The following KIF3A variants were observed in gnomAD, a reference collection of about 807,000 sequenced individuals.
The protein encoded by KIF3A is kinesin-like protein KIF3A.
KIF3A carries 27 observed loss-of-function variants against 92.6 expected under a neutral mutation model. The ratio of observed to expected loss-of-function variants is 0.29; its 90% CI spans 0.21 to 0.40. The LOEUF (loss-of-function observed/expected upper bound fraction) is 0.40, where lower values mean the gene tolerates loss of function less well. KIF3A is among the 10% of genes least tolerant of loss of function. The pLI, the probability that KIF3A is intolerant of heterozygous loss-of-function variation, is 1.00. For missense variants in KIF3A, 581 were observed against 872.6 expected (o/e 0.67, Z 4.21); for synonymous variants, 250 against 275.4 (o/e 0.91, Z 0.92).
intron 4 of KIF3A, among the ~76,000 whole-genome samples, chr5:132,725,816 T>C (rs1330741448): frequency 6.6e-6 from 1 of 152,180 alleles, no homozygotes; most frequent in African/African-American, 2.4e-5. Context: ...CATACATTAT[T>C]CTCCTCTATT....
intron 8 of KIF3A, 99 bp from the exon 9 acceptor site, chr5:132,711,156 T>C (rs911999111): frequency 9.6e-7 from 1 of 1,041,962 alleles, no homozygotes. Flanking sequence ...TTTTTGTTAC[T>C]GCAAACAACA....
At chr5:132,696,778 T>C (rs76604954) in intron 18 of KIF3A, 96 bp from the exon 19 acceptor site, 3 of 954,370 alleles carry the variant, frequency 3.1e-6, no homozygotes, top group East Asian at 2.4e-5. Flanking sequence ...GTGGCCTGTA[T>C]AGTCTGGAAA....
chr5:132,724,806 A>AAAT (rs59476182), intron 4 of KIF3A, among the ~76,000 whole-genome samples: 2 of 22,692 alleles, frequency 8.8e-5, no homozygotes, highest in South Asian at 1.5e-3. Flanking sequence ...AAAAAAAAAA[A>AAAT]ATATATATAT....
In KIF3A at chr5:132,694,592, T is replaced by C. The variant is rs17690923; in HGVS notation, c.*2042A>G. The C allele has an allele frequency of 0.21, 31,564 of 152,312 alleles. 4,191 individuals carry two copies. The highest frequency in any genetic ancestry group is 0.3 in the Non-Finnish European group (20,065 of 67,990). The allele number at this position is 152,312 out of a possible 1,614,324, so 9.4% of individuals were successfully genotyped here. A position where few individuals can be genotyped will look rare whatever the true frequency, so the allele number is the denominator to read the frequency against. The stretch of plus-strand genomic sequence containing the variant: ...TACTCCTTTCCTATTAACTGAATTG[T>C]TAAAGGTTAGAAACATGAACTTTTA... On this transcript the variant is annotated 3_prime_UTR_variant, in exon 19 of 19. Transcript: ENST00000403231.
chr5:132,697,142 G>C (rs879383117), intron 18 of KIF3A, among the ~76,000 whole-genome samples: 2 of 152,150 alleles, frequency 1.3e-5, no homozygotes, highest in Admixed American at 6.5e-5. Flanking sequence ...TTGCAATTTT[G>C]CCTAGCCCAT....
At chr5:132,728,832 G>A (rs1754128858) in intron 2 of KIF3A, among the ~76,000 whole-genome samples, 1 of 152,062 alleles carries the variant, frequency 6.6e-6, no homozygotes, top group Admixed American at 6.6e-5. Flanking sequence ...AGCACTTTGA[G>A]AGGCTGAGGT....
At chr5:132,702,023 T>C in intron 15 of KIF3A, 64 bp downstream of exon 15, 4 of 1,498,874 alleles carry the variant, frequency 2.7e-6, no homozygotes, top group Non-Finnish European at 3.6e-6. Context: ...ATCAGTTAAA[T>C]TAGAAATCTT....
intron 10 of KIF3A, among the ~76,000 whole-genome samples, chr5:132,708,252 G>A (rs2237057): frequency 0.59 from 87,639 of 148,142 alleles, 28,030 homozygotes; most frequent in Non-Finnish European, 0.74. Flanking sequence ...ACTGCACTCC[G>A]GCCTAGGCAA....
At chr5:132,700,481 T>G (rs1440806844) in intron 16 of KIF3A, 166 bp downstream of exon 16, 6 of 654,060 alleles carry the variant, frequency 9.2e-6, no homozygotes, top group Non-Finnish European at 1.6e-5. Flanking sequence ...ATGATCTGTA[T>G]GTTACAATTA....
intron 4 of KIF3A, among the ~76,000 whole-genome samples, chr5:132,724,004 C>A (rs1753915990): frequency 6.6e-6 from 1 of 152,196 alleles, no homozygotes; most frequent in South Asian, 2.1e-4. Flanking sequence ...TGAACAGACA[C>A]TTCTCAAAAG....
intron 2 of KIF3A, among the ~76,000 whole-genome samples, chr5:132,733,611 A>C (rs1056347685): frequency 6.6e-6 from 1 of 152,172 alleles, no homozygotes; most frequent in Non-Finnish European, 1.5e-5. Context: ...TTACAAAAAC[A>C]AAAAAATGAG....
At chr5:132,689,379 A>T (rs1480835951), downstream of KIF3A, among the ~76,000 whole-genome samples, 2 of 152,230 alleles carry the variant, frequency 1.3e-5, no homozygotes, top group East Asian at 3.8e-4. Flanking sequence ...ATTGGAAAAG[A>T]TTAAGACAGA....
At chr5:132,698,729 ATT>A (rs200925076) in intron 18 of KIF3A, among the ~76,000 whole-genome samples, 31,795 of 131,936 alleles carry the variant, frequency 0.24, 4,377 homozygotes, top group East Asian at 0.73. Context: ...AAGGAATTTG[ATT>A]TTTTTTTTTT....
chr5:132,719,199 T>C (rs1351223101), intron 5 of KIF3A, among the ~76,000 whole-genome samples: 1 of 152,228 alleles, frequency 6.6e-6, no homozygotes, highest in African/African-American at 2.4e-5. Flanking sequence ...ATCCTTCATC[T>C]AATCTGATGG....
chr5:132,702,675 CA>C lies in KIF3A; in HGVS notation c.1648-8del. ...CAATATCCAAGCGTTCTTGCTATGA[CA>C]AAAATTAGTAAACTTCAGAATAAAT... On this transcript the variant is annotated splice_polypyrimidine_tract_variant and splice_region_variant and intron_variant, in intron 13 of 18. Coordinates refer to ENST00000403231, the MANE Select transcript of KIF3A (RefSeq NM_001300791.2). 2 of 1,557,896 alleles carry C rather than the reference CA, an allele frequency of 1.3e-6. No individual in the cohort carries two copies. The highest frequency in any genetic ancestry group is 1.4e-5 in the African/African-American group (1 of 73,162).
intron 5 of KIF3A, among the ~76,000 whole-genome samples, chr5:132,717,331 G>C (rs1204652388): frequency 1.3e-5 from 2 of 152,042 alleles, no homozygotes; most frequent in East Asian, 3.8e-4. Flanking sequence ...ATGCATGCTG[G>C]TGTACTGCAG....
intron 18 of KIF3A, 145 bp downstream of exon 18, chr5:132,699,026 C>T (rs1752934336): frequency 1.1e-5 from 9 of 836,738 alleles, no homozygotes; most frequent in Non-Finnish European, 1.7e-5. Flanking sequence ...GCGTGAGCCA[C>T]TGTGCCCAGC....
At chr5:132,708,001 C>T (rs1430776250) in intron 10 of KIF3A, among the ~76,000 whole-genome samples, 4 of 152,236 alleles carry the variant, frequency 2.6e-5, no homozygotes, top group African/African-American at 9.6e-5. Context: ...CTCTTAAAAT[C>T]AGCCGGGCGC....
At chr5:132,690,271 G>T (rs1010946221), downstream of KIF3A, among the ~76,000 whole-genome samples, 3 of 151,846 alleles carry the variant, frequency 2.0e-5, no homozygotes, top group Admixed American at 1.3e-4. Context: ...TGCACCTGTA[G>T]TCCTAGTTAC....
Sources: gnomAD v4.1 joint callset for allele counts (sites outside exome capture counted in the v4.1 genomes callset) on GRCh38, gnomAD v4.1.1 for gene constraint, MANE v1.5 for transcripts, NCBI Gene and HGNC (gene_info 2026-07-23, HGNC 2026-07-21) for gene names.